Variants in TRRAP observed in about 807,000 individuals in gnomAD.
TRRAP encodes the protein transformation/transcription domain associated protein.
A neutral mutation model predicts 438.8 loss-of-function variants in TRRAP; 41 were observed. The observed-to-expected ratio is 0.09, with a 90% CI of 0.07 to 0.12. The LOEUF (loss-of-function observed/expected upper bound fraction) is 0.12, where lower values mean the gene tolerates loss of function less well. TRRAP is among the 10% of genes least tolerant of loss of function. TRRAP has a pLI of 1.00. For synonymous variants in TRRAP, 1,994 were observed against 1,962.9 expected, an observed-to-expected ratio of 1.02 and a Z score of -0.42; for missense variants, 3,122 against 5,055.1, an observed-to-expected ratio of 0.62 and a Z score of 11.60.
chr7:98,913,031 A>C (rs1584302558), intron 18 of TRRAP, among the ~76,000 whole-genome samples: 2 of 152,196 alleles, frequency 1.3e-5, no homozygotes, highest in East Asian at 3.8e-4. Context: ...CTATTGCAAC[A>C]AAACAGGGCT....
intron 18 of TRRAP, among the ~76,000 whole-genome samples, chr7:98,914,905 C>A (rs1228461733): frequency 6.6e-6 from 1 of 151,604 alleles, no homozygotes; most frequent in Admixed American, 6.6e-5. Flanking sequence ...AGTGACTATA[C>A]CAAGAATTTA....
At position 98,981,883 on chromosome 7, in the gene TRRAP, A is replaced by G. The variant is rs1218882528; in HGVS notation, c.8749A>G (p.Met2917Val). 1 of 1,609,546 alleles carries G rather than the reference A, an allele frequency of 6.2e-7. No individual in the cohort carries two copies. Residue 2917 changes from methionine to valine, a missense_variant, in exon 59 of 73, where the codon ATG becomes GTG. Met to Val is a conservative substitution (Grantham distance 21). Around this residue, in one of 24 missense-constraint regions of TRRAP, gnomAD observed 992 missense variants for 1,281.2 expected, o/e 0.77. Coordinates refer to ENST00000456197, the MANE Select transcript of TRRAP (RefSeq NM_001375524.1). ...QLSFIERLVE[M>V]ASSLAIREWR... ...CAGCTTCATCGAGCGCCTGGTGGAG[A>G]TGGCCAGCAGCCTGGCCATCCGCGA...
intron 24 of TRRAP, 100 bp downstream of exon 24, chr7:98,930,306 G>A: frequency 7.1e-7 from 1 of 1,405,700 alleles, no homozygotes; most frequent in Non-Finnish European, 9.7e-7. Flanking sequence ...GCCAGACGCA[G>A]TGGCTCACGC....
chr7:98,989,152 T>C (rs1162716395), intron 63 of TRRAP, among the ~76,000 whole-genome samples, 186 bp downstream of exon 63: 2 of 152,230 alleles, frequency 1.3e-5, no homozygotes, highest in Non-Finnish European at 2.9e-5. Flanking sequence ...AACTGAGGCC[T>C]GGACACTCTT....
In TRRAP at chr7:98,978,994, C is replaced by T. The variant is rs116865154; in HGVS notation, c.8634+90C>T. 0.019 allele frequency: 29,769 copies of T among 1,538,310 alleles called. 378 individuals carry two copies. The highest frequency in any genetic ancestry group is 0.034 in the Admixed American group (1,778 of 52,070). On this transcript the variant is annotated intron_variant, in intron 58 of 72. Coordinates refer to ENST00000456197, the MANE Select transcript of TRRAP (RefSeq NM_001375524.1). ...CTTGGGAGATTTCCCTTAGAACAAGCATTTTGGCAGTGGAAAGACAGCTTT... is the reference window on the plus strand; with the variant it reads ...CTTGGGAGATTTCCCTTAGAACAAGTATTTTGGCAGTGGAAAGACAGCTTT...
rs528521379 is a variant in TRRAP at position 99,004,027 on chromosome 7, C to T, written c.10310-163C>T. Among the ~76,000 whole-genome samples the T allele has an allele frequency of 2.6e-5, 4 of 152,262 alleles. No individual in the cohort carries two copies. The South Asian group carries it at 8.3e-4, about 32-fold the overall frequency. On this transcript the variant is annotated intron_variant, in intron 67 of 72. Transcript: ENST00000456197. ...GGCGGACGTTGCAGTGAGCGGAGAT[C>T]GCACCACTGCACTCCAGCCAGGGCA...
At chr7:98,992,849 G>A (rs558351045) in intron 65 of TRRAP, among the ~76,000 whole-genome samples, 1 of 152,274 alleles carries the variant, frequency 6.6e-6, no homozygotes, top group East Asian at 1.9e-4. Flanking sequence ...GGTGAGAGGC[G>A]GTGGATGAGG....
chr7:98,963,553 A>G (rs934703605), intron 47 of TRRAP, among the ~76,000 whole-genome samples: 1 of 152,138 alleles, frequency 6.6e-6, no homozygotes, highest in Non-Finnish European at 1.5e-5. Flanking sequence ...CCCATGCCGG[A>G]TCTGGGGTGT....
intron 45 of TRRAP, among the ~76,000 whole-genome samples, 196 bp downstream of exon 45, chr7:98,959,686 T>C: frequency 6.6e-6 from 1 of 152,036 alleles, no homozygotes; most frequent in South Asian, 2.1e-4. Flanking sequence ...GTTTGACTAA[T>C]TGATAATGGC....
chr7:99,007,974 T>C (rs917559757), intron 69 of TRRAP, among the ~76,000 whole-genome samples: 9 of 151,962 alleles, frequency 5.9e-5, no homozygotes, highest in East Asian at 1.9e-4. Flanking sequence ...TACAGGCACC[T>C]GCCACCACTC....
chr7:98,913,886 G>A (rs1466161130), intron 18 of TRRAP, among the ~76,000 whole-genome samples: 2 of 152,146 alleles, frequency 1.3e-5, no homozygotes, highest in Non-Finnish European at 1.5e-5. Flanking sequence ...ACTCCCTCTT[G>A]TGGCAAAATA....
intron 11 of TRRAP, among the ~76,000 whole-genome samples, chr7:98,901,460 T>C (rs1796464290): frequency 6.6e-6 from 1 of 152,232 alleles, no homozygotes; most frequent in South Asian, 2.1e-4. Flanking sequence ...TAGAATCCCA[T>C]TGTGTGGATG....
chr7:98,970,495 G>A (rs749840075), intron 52 of TRRAP, among the ~76,000 whole-genome samples: 68 of 152,322 alleles, frequency 4.5e-4, no homozygotes, highest in Non-Finnish European at 1.3e-4. Flanking sequence ...TTGGTCCTGC[G>A]GAAGAAGTTT....
intron 8 of TRRAP, 62 bp downstream of exon 8, chr7:98,897,928 A>AGGG (rs1269584474): frequency 1.3e-6 from 2 of 1,599,736 alleles, no homozygotes; most frequent in Non-Finnish European, 1.7e-6. Context: ...CTGGCCTGTT[A>AGGG]AACCATTTTT....
intron 21 of TRRAP, among the ~76,000 whole-genome samples, chr7:98,924,240 C>T (rs1233220486): frequency 6.6e-6 from 1 of 152,228 alleles, no homozygotes; most frequent in South Asian, 2.1e-4. Context: ...AATTGTTAAA[C>T]TCCATCTTGG....
chr7:98,984,377 AAGAATGAGGCCAGGTGG>A lies in TRRAP; in HGVS notation c.9288+23_9288+39del, dbSNP rs1347329042. 1.3e-6 allele frequency: 2 copies of A among 1,528,524 alleles called. No homozygotes were observed. The highest frequency in any genetic ancestry group is 2.0e-5 in the Admixed American group (1 of 50,028). The allele number at this position is 1,528,524 out of a possible 1,614,324, so 94.7% of individuals were successfully genotyped here. ...CATGCAGGTGCGGACAGGACACTTG[AAGAATGAGGCCAGGTGG>A]AGATTGAGGCCAGGTGGAGAATGAG... On this transcript the variant is annotated intron_variant, in intron 61 of 72. Transcript: ENST00000456197.
chr7:98,954,595 A>G (rs529743558), intron 40 of TRRAP, among the ~76,000 whole-genome samples: 4 of 152,150 alleles, frequency 2.6e-5, no homozygotes, highest in Non-Finnish European at 4.4e-5. Flanking sequence ...CTGCCCAGGC[A>G]CCAGCAGGTT....
chr7:98,993,491 G>A (rs867368293), intron 65 of TRRAP, 47 bp from the exon 66 acceptor site: 12 of 1,593,620 alleles, frequency 7.5e-6, no homozygotes, highest in Middle Eastern at 1.7e-4. Flanking sequence ...GAGCCCTGGC[G>A]TCTGTCGGTT....
At chr7:98,984,474 C>A in intron 61 of TRRAP, 116 bp downstream of exon 61, 1 of 1,259,666 alleles carries the variant, frequency 7.9e-7, no homozygotes, top group Non-Finnish European at 1.1e-6. Context: ...GAACTTTCCA[C>A]AAATACAGCC....
Sources: allele counts gnomAD v4.1 joint callset (sites outside exome capture counted in the v4.1 genomes callset), GRCh38; gene constraint gnomAD v4.1.1; regional missense constraint gnomAD v4.1.1; transcripts MANE v1.5; gene names NCBI Gene and HGNC (gene_info 2026-07-23, HGNC 2026-07-21).